Variants in ICA1L observed in about 807,000 individuals in gnomAD.
ICA1L encodes the protein islet cell autoantigen 1-like protein.
In ICA1L, 50 loss-of-function variants were observed where a neutral mutation model predicts 61.3. That is an observed-to-expected ratio of 0.82 (90% CI 0.65 to 1.03). The LOEUF (loss-of-function observed/expected upper bound fraction) is 1.03. Among genes scored for constraint, ICA1L ranks in the 50% least tolerant of loss-of-function variants. The pLI, the probability that ICA1L is intolerant of heterozygous loss-of-function variation, is 0.00. For synonymous variants in ICA1L, 161 were observed against 191.3 expected (o/e 0.84, Z 1.31); for missense variants, 508 against 556.7 (o/e 0.91, Z 0.88).
intron 1 of ICA1L, chr2:202,840,854 A>G: frequency 1.6e-6 from 1 of 635,518 alleles, no homozygotes. Context: ...GTTCTGGTTC[A>G]TCCCAGATCT....
chr2:202,821,943 T>A (rs1036082249), intron 3 of ICA1L, among the ~76,000 whole-genome samples: 1 of 152,186 alleles, frequency 6.6e-6, no homozygotes, highest in Non-Finnish European at 1.5e-5. Context: ...TGTCCACAGT[T>A]CTGCTCCAGC....
intron 12 of ICA1L, among the ~76,000 whole-genome samples, chr2:202,782,716 C>T (rs926965960): frequency 4.6e-5 from 7 of 151,920 alleles, no homozygotes; most frequent in Non-Finnish European, 1.0e-4. Context: ...CTGTTAAATT[C>T]TTAAGTTTAG....
intron 3 of ICA1L, among the ~76,000 whole-genome samples, chr2:202,825,290 G>A (rs1009957123): frequency 2.0e-5 from 3 of 152,032 alleles, no homozygotes; most frequent in Non-Finnish European, 2.9e-5. Flanking sequence ...GCAGCATAGT[G>A]AGACCCTGTG....
At chr2:202,805,895 G>T (rs2105838366) in intron 9 of ICA1L, among the ~76,000 whole-genome samples, 1 of 152,342 alleles carries the variant, frequency 6.6e-6, no homozygotes, top group Admixed American at 6.5e-5. Flanking sequence ...TTCTGTATTT[G>T]TGGGGTATAG....
chr2:202,840,135 C>T (rs1469723825), intron 1 of ICA1L, among the ~76,000 whole-genome samples: 1 of 122,204 alleles, frequency 8.2e-6, no homozygotes, highest in African/African-American at 3.2e-5. Flanking sequence ...AAAAAAAAAG[C>T]GATTGAATTG....
intron 12 of ICA1L, among the ~76,000 whole-genome samples, chr2:202,780,285 AGTT>A (rs1055997738): frequency 3.3e-5 from 5 of 151,456 alleles, no homozygotes; most frequent in South Asian, 2.1e-4. Flanking sequence ...TTTGGTTTAC[AGTT>A]GTTATGTCTT....
intron 3 of ICA1L, chr2:202,825,442 C>A: frequency 2.1e-6 from 2 of 943,068 alleles, no homozygotes; most frequent in Non-Finnish European, 2.7e-6. Context: ...TGCACTCCAA[C>A]CTGAGTGACA....
At chr2:202,837,965 T>G (rs976855039) in intron 1 of ICA1L, among the ~76,000 whole-genome samples, 1 of 152,110 alleles carries the variant, frequency 6.6e-6, no homozygotes, top group African/African-American at 2.4e-5. Context: ...GAGATTCTCC[T>G]GTCTCAGCCT....
At chr2:202,787,740 TC>T (rs1235310817) in intron 11 of ICA1L, among the ~76,000 whole-genome samples, 2 of 151,720 alleles carry the variant, frequency 1.3e-5, no homozygotes, top group East Asian at 3.9e-4. Flanking sequence ...CCGTGAGGGG[TC>T]CCCCCGTCCA....
In ICA1L at chr2:202,785,942, G is replaced by C; in HGVS notation, c.1309C>G (p.Gln437Glu). Residue 437 changes from glutamine (Q) to glutamate (E), a missense_variant, in exon 12 of 13, where the codon CAG (glutamine) becomes GAG (glutamate). By Grantham distance (29) the Gln-to-Glu change is conservative (BLOSUM62 2). Coordinates refer to ENST00000358299, the MANE Select transcript of ICA1L (RefSeq NM_001288622.3). ...SHTDNQPVPS[Q>E]SPKKLTRSPN... ...CATCTTGTTAATTTCTTTGGACTCT[G>C]TGAAGGCACTGGCTGGTTATCAGTG... 1 of 1,600,212 alleles carries C rather than the reference G, an allele frequency of 6.2e-7. No homozygotes were observed. Among genetic ancestry groups the C allele is most frequent in the Non-Finnish European group, 8.6e-7 (1 of 1,168,478 alleles).
At chr2:202,867,897 T>C (rs1199740877) in intron 1 of ICA1L, among the ~76,000 whole-genome samples, 1 of 152,242 alleles carries the variant, frequency 6.6e-6, no homozygotes, top group Non-Finnish European at 1.5e-5. Flanking sequence ...CAAAGACCTG[T>C]AAATGTTCTT....
chr2:202,796,498 C>T (rs1453709943), intron 10 of ICA1L, among the ~76,000 whole-genome samples: 1 of 152,150 alleles, frequency 6.6e-6, no homozygotes, highest in Non-Finnish European at 1.5e-5. Flanking sequence ...TGGGGGCATA[C>T]TTTTGTTTCT....
At chr2:202,861,243 A>G (rs1206488096) in intron 1 of ICA1L, among the ~76,000 whole-genome samples, 1 of 151,746 alleles carries the variant, frequency 6.6e-6, no homozygotes, top group Non-Finnish European at 1.5e-5. Flanking sequence ...AAAAAATAAT[A>G]AAAATACAAA....
chr2:202,858,266 T>C (rs1484792417), intron 1 of ICA1L, among the ~76,000 whole-genome samples: 1 of 152,190 alleles, frequency 6.6e-6, no homozygotes, highest in Non-Finnish European at 1.5e-5. Flanking sequence ...GAGGCACATA[T>C]GCATCAAGGA....
In ICA1L at chr2:202,819,490, T is replaced by C. The variant is rs192514830; in HGVS notation, c.558+211A>G. The C allele has an allele frequency of 9.4e-6, 5 of 529,990 alleles. No individual in the cohort carries two copies. In the East Asian group the frequency reaches 1.6e-4, roughly 17 times the overall value. The allele number at this position is 529,990 out of a possible 1,614,324, so 32.8% of individuals were successfully genotyped here. ...ATCATGAGACAGATTAAAAAATTAA[T>C]AAAAAAGGTAGATGGTGTGAAGATG... On this transcript the variant is annotated intron_variant, in intron 5 of 12. Transcript: ENST00000358299.
intron 3 of ICA1L, among the ~76,000 whole-genome samples, chr2:202,823,722 A>G (rs1438206146): frequency 1.3e-5 from 2 of 152,130 alleles, no homozygotes; most frequent in African/African-American, 2.4e-5. Flanking sequence ...TTTTACCTCA[A>G]TTCCTGTCTA....
chr2:202,807,427 C>G (rs1477302315), intron 9 of ICA1L, among the ~76,000 whole-genome samples: 1 of 152,166 alleles, frequency 6.6e-6, no homozygotes, highest in African/African-American at 2.4e-5. Flanking sequence ...TAGACCAGCC[C>G]CAGCCAGAGG....
intron 1 of ICA1L, among the ~76,000 whole-genome samples, chr2:202,837,565 C>T (rs1160795047): frequency 6.6e-6 from 1 of 152,132 alleles, no homozygotes; most frequent in Admixed American, 6.6e-5. Context: ...GCCACCGCAC[C>T]CGGCCTTCTC....
chr2:202,863,255 G>A (rs1038044850), intron 1 of ICA1L, among the ~76,000 whole-genome samples: 4 of 151,934 alleles, frequency 2.6e-5, no homozygotes, highest in African/African-American at 9.7e-5. Flanking sequence ...ACATATCATT[G>A]CACTCCAGCC....
Sources: allele counts gnomAD v4.1 joint callset (sites outside exome capture counted in the v4.1 genomes callset), GRCh38; gene constraint gnomAD v4.1.1; transcripts MANE v1.5; gene names NCBI Gene and HGNC (gene_info 2026-07-23, HGNC 2026-07-21).